The following ORC4 variants were observed in gnomAD, a reference collection of about 807,000 sequenced individuals.
The protein encoded by ORC4 is origin recognition complex, subunit 4 homolog.
In ORC4, 55 loss-of-function variants were observed where a neutral mutation model predicts 63.9. The observed-to-expected ratio is 0.86, with a 90% CI of 0.69 to 1.08. The LOEUF (loss-of-function observed/expected upper bound fraction) is 1.08. Among genes scored for constraint, ORC4 ranks in the 50% least tolerant of loss-of-function variants. The probability of loss-of-function intolerance (pLI) is 0.00; values close to 1 mark genes in which losing one functional copy is unlikely to be tolerated. For synonymous variants in ORC4, 150 were observed against 168.5 expected, an observed-to-expected ratio of 0.89 and a Z score of 0.85; for missense variants, 511 against 504.4, an observed-to-expected ratio of 1.01 and a Z score of -0.13.
intron 13 of ORC4, among the ~76,000 whole-genome samples, chr2:147,937,331 T>C (rs1328589145): frequency 6.6e-6 from 1 of 152,152 alleles, no homozygotes; most frequent in East Asian, 1.9e-4. Flanking sequence ...ACTCAATTTT[T>C]TTTTAAACTT....
At chr2:147,960,937 T>C (rs1000427462) in intron 4 of ORC4, among the ~76,000 whole-genome samples, 1 of 151,730 alleles carries the variant, frequency 6.6e-6, no homozygotes, top group African/African-American at 2.4e-5. Context: ...TGAAGCCATA[T>C]CAATTTTTTT....
chr2:148,019,835 TTTGAG>T (rs1172686718), intron 1 of ORC4, among the ~76,000 whole-genome samples: 1 of 152,098 alleles, frequency 6.6e-6, no homozygotes, highest in Non-Finnish European at 1.5e-5. Context: ...TCTTAAATAT[TTTGAG>T]TTAATTCTAA....
rs771780152 is a variant in ORC4, at chr2:147,938,367, TAAGA to T, written c.981_984del (p.Cys327Ter). The T allele has an allele frequency of 1.9e-6, 3 of 1,604,296 alleles. No individual in the cohort carries two copies. The South Asian group carries it at 3.3e-5, about 18-fold the overall frequency. On this transcript the variant is annotated frameshift_variant, in exon 12 of 14. Transcript: ENST00000392857. LOFTEE classifies it high-confidence loss of function. ...TCATTTAAATGTTTCATTGCTATTATAAGACAGATTTCCAAGACTGATAGACCTA... is the reference window on the plus strand; with the variant it reads ...TCATTTAAATGTTTCATTGCTATTATCAGATTTCCAAGACTGATAGACCTA...
chr2:147,993,271 A>C (rs975513438), intron 1 of ORC4, among the ~76,000 whole-genome samples: 4 of 152,194 alleles, frequency 2.6e-5, no homozygotes, highest in African/African-American at 9.7e-5. Context: ...AAGAACCTTC[A>C]GAGGCTGAAA....
intron 4 of ORC4, among the ~76,000 whole-genome samples, chr2:147,961,864 T>G (rs1689612994): frequency 6.6e-6 from 1 of 152,168 alleles, no homozygotes; most frequent in Non-Finnish European, 1.5e-5. Flanking sequence ...CTATAGGGGT[T>G]TATGAAAAGG....
Position 147,939,168 on chromosome 2 carries a change from G to A in ORC4, c.930C>T (p.Ser310=). The change falls in exon 11 of 14, where the codon AGC becomes AGT. Residue 310 remains serine (S), a synonymous_variant. Coordinates refer to ENST00000392857, the MANE Select transcript of ORC4 (RefSeq NM_181741.4). ...VDLMEASQLC[S]MDSKANIVHG... ...GTACAATATTTGCTTTCGAGTCCAT[G>A]CTACACAGTTGGCTTGCTTCCATTA... The A allele has an allele frequency of 6.2e-7, 1 of 1,610,952 alleles. No homozygotes were observed. Among genetic ancestry groups the A allele is most frequent in the Non-Finnish European group, 8.5e-7 (1 of 1,177,280 alleles).
chr2:147,984,608 C>T lies in ORC4; in HGVS notation c.-17-8633G>A, dbSNP rs144326906. Among the ~76,000 whole-genome samples, 683 of 152,206 alleles carry T rather than the reference C, an allele frequency of 4.5e-3. 4 individuals carry two copies. The highest frequency in any genetic ancestry group is 7.2e-3 in the Non-Finnish European group (492 of 67,996). On this transcript the variant is annotated intron_variant, in intron 1 of 13. Coordinates refer to ENST00000392857, the MANE Select transcript of ORC4 (RefSeq NM_181741.4). Reference sequence around the variant, plus strand: ...GGAGGAAATTCTCATTACTGCAGTTCCAGAGCACTACTATACATCAGAGAG... The same window carrying T: ...GGAGGAAATTCTCATTACTGCAGTTTCAGAGCACTACTATACATCAGAGAG...
chr2:147,998,413 T>G (rs1692106563), intron 1 of ORC4, among the ~76,000 whole-genome samples: 1 of 152,202 alleles, frequency 6.6e-6, no homozygotes, highest in African/African-American at 2.4e-5. Context: ...CTCAGTGCTA[T>G]TCTGGAGTTA....
chr2:147,994,851 C>A lies in ORC4; in HGVS notation c.-17-18876G>T, dbSNP rs1691843335. 2.0e-5 allele frequency among the ~76,000 whole-genome samples: 3 copies of A among 152,300 alleles called. No individual in the cohort carries two copies. In the South Asian group the frequency reaches 6.2e-4, roughly 32 times the overall value. On this transcript the variant is annotated intron_variant, in intron 1 of 13. Coordinates refer to ENST00000392857, the MANE Select transcript of ORC4 (RefSeq NM_181741.4). ...ACCAGCCCGACCAACATGGTGAAAC[C>A]CTGTCTCTACTAAAAATACAAAAAT...
At chr2:147,988,815 T>C (rs766615633) in intron 1 of ORC4, among the ~76,000 whole-genome samples, 6 of 151,936 alleles carry the variant, frequency 3.9e-5, no homozygotes, top group Non-Finnish European at 5.9e-5. Flanking sequence ...AAGATTTACT[T>C]CATCTGGAAT....
chr2:147,974,571 GT>G lies in ORC4; in HGVS notation c.58-1048del, dbSNP rs1481081291. On this transcript the variant is annotated intron_variant, in intron 2 of 13. Transcript: ENST00000392857. Reference sequence around the variant, plus strand: ...AATTGCTTGAACCCAGGAGGCAGAGGTTGCAGTGAGCCAAGACTGCACCACT... The same window carrying G: ...AATTGCTTGAACCCAGGAGGCAGAGGTGCAGTGAGCCAAGACTGCACCACT... 4.0e-5 allele frequency among the ~76,000 whole-genome samples: 6 copies of G among 151,292 alleles called. No individual in the cohort carries two copies. The East Asian group carries it at 1.2e-3, about 29-fold the overall frequency.
rs377707046 is a variant in ORC4 at position 147,975,893 on chromosome 2, C to G, written c.57+9G>C. 32 of 1,476,718 alleles carry G rather than the reference C, an allele frequency of 2.2e-5. No homozygotes were observed. The highest frequency in any genetic ancestry group is 2.9e-5 in the Non-Finnish European group (31 of 1,055,028). The allele number at this position is 1,476,718 out of a possible 1,614,324, so 91.5% of individuals were successfully genotyped here. A position where few individuals can be genotyped will look rare whatever the true frequency, so the allele number is the denominator to read the frequency against. On this transcript the variant is annotated intron_variant, in intron 2 of 13. Transcript: ENST00000392857. ...AAATATCTTGAGATTAATGAAAATACATACTAACCTGTGAAAGGCACTCTG... is the reference window on the plus strand; with the variant it reads ...AAATATCTTGAGATTAATGAAAATAGATACTAACCTGTGAAAGGCACTCTG...
chr2:148,016,455 A>G (rs1279225050), intron 1 of ORC4, among the ~76,000 whole-genome samples: 1 of 152,200 alleles, frequency 6.6e-6, no homozygotes, highest in African/African-American at 2.4e-5. Context: ...GGTCAACAGA[A>G]AGGGCCCAAT....
Position 147,935,652 on chromosome 2 carries a change from C to T in ORC4, c.1169G>A (p.Arg390Lys), listed in dbSNP as rs145039255. 1.2e-6 allele frequency: 2 copies of T among 1,613,480 alleles called. No individual in the cohort carries two copies. Among genetic ancestry groups the T allele is most frequent in the Non-Finnish European group, 1.7e-6 (2 of 1,179,810 alleles). ...CTCTCTCTGTGAATTTCCTGAAGTT[C>T]TTTCCATGGGCTTTATTAATTCTAA... Reference protein sequence around the residue: ...QQLELIKPMERTSGNSQREYQ... With the variant: ...QQLELIKPMEKTSGNSQREYQ... Residue 390 changes from arginine (R) to lysine (K), a missense_variant, in exon 14 of 14, where the codon AGA (arginine) becomes AAA (lysine). Coordinates refer to ENST00000392857, the MANE Select transcript of ORC4 (RefSeq NM_181741.4).
intron 1 of ORC4, among the ~76,000 whole-genome samples, chr2:148,019,148 T>C (rs1693507215): frequency 6.6e-6 from 1 of 152,140 alleles, no homozygotes; most frequent in African/African-American, 2.4e-5. Context: ...CACAGGAGTC[T>C]AGTTTTGATT....
chr2:147,946,263 T>C (rs2105280784), intron 9 of ORC4, among the ~76,000 whole-genome samples: 2 of 151,824 alleles, frequency 1.3e-5, no homozygotes, highest in Middle Eastern at 3.4e-3. Flanking sequence ...ACCATGTAGT[T>C]ACCTTAAGAA....
At chr2:147,981,068 C>A (rs1181065190) in intron 1 of ORC4, among the ~76,000 whole-genome samples, 7 of 152,178 alleles carry the variant, frequency 4.6e-5, no homozygotes, top group Non-Finnish European at 1.0e-4. Context: ...TCATTTGCAG[C>A]AACATAGATG....
chr2:147,990,642 GA>G (rs1218573794), intron 1 of ORC4, among the ~76,000 whole-genome samples: 1 of 152,162 alleles, frequency 6.6e-6, no homozygotes, highest in Non-Finnish European at 1.5e-5. Context: ...TCAACTTTTG[GA>G]CCACAGGTGA....
chr2:147,995,949 G>A (rs1023207314), intron 1 of ORC4, among the ~76,000 whole-genome samples: 1 of 151,106 alleles, frequency 6.6e-6, no homozygotes, highest in African/African-American at 2.4e-5. Context: ...GCAGTGAGCC[G>A]AGATCACGCC....
Sources: allele counts gnomAD v4.1 joint callset (sites outside exome capture counted in the v4.1 genomes callset), GRCh38; gene constraint gnomAD v4.1.1; transcripts MANE v1.5; gene names NCBI Gene and HGNC (gene_info 2026-07-23, HGNC 2026-07-21).